The following THOC5 variants were observed in gnomAD, a reference collection of about 807,000 sequenced individuals.
The protein encoded by THOC5 is THO complex subunit 5.
Under a neutral mutation model 92.9 loss-of-function variants are expected in THOC5, and 43 were observed. The observed-to-expected ratio is 0.46, with a 90% CI of 0.36 to 0.60. The LOEUF is 0.60. Among genes scored for constraint, THOC5 ranks in the 20% least tolerant of loss-of-function variants. The pLI, the probability that THOC5 is intolerant of heterozygous loss-of-function variation, is 0.00. For missense variants in THOC5, 659 were observed against 849.4 expected (o/e 0.78, Z 2.79); for synonymous variants, 296 against 320.1 (o/e 0.92, Z 0.80).
intron 2 of THOC5, among the ~76,000 whole-genome samples, chr22:29,546,137 A>G (rs1238209039): frequency 1.3e-5 from 2 of 152,192 alleles, no homozygotes; most frequent in African/African-American, 4.8e-5. Context: ...CAAGCTCTAG[A>G]TTGGCCCCTT....
chr22:29,544,516 G>A lies in THOC5; in HGVS notation c.184C>T (p.Leu62=). The A allele has an allele frequency of 6.2e-7, 1 of 1,614,092 alleles. No individual in the cohort carries two copies. Residue 62 remains leucine, a synonymous_variant, in exon 3 of 20, where the codon CTA becomes TTA. Transcript: ENST00000490103. ...YELYKYTCQE[L]QRLMAEIQDL... is the part of the protein sequence containing the mutation. ...TGGATCTCAGCCATCAGCCTCTGTAGCTCCTGGCAGGTGTACTTGTATAAC... is the reference window on the plus strand; with the variant it reads ...TGGATCTCAGCCATCAGCCTCTGTAACTCCTGGCAGGTGTACTTGTATAAC...
intron 6 of THOC5, among the ~76,000 whole-genome samples, chr22:29,537,848 A>G (rs112883011): frequency 0.2 from 30,134 of 152,110 alleles, 3,283 homozygotes; most frequent in East Asian, 0.43. Context: ...CCGAGATCAC[A>G]CCATTGCATT....
rs140384513 is a variant in THOC5 at position 29,522,799 on chromosome 22, G to A, written c.1176-1700C>T. Among the ~76,000 whole-genome samples the A allele has an allele frequency of 4.0e-3, 603 of 151,838 alleles. 6 individuals are homozygous for A. Among genetic ancestry groups the A allele is most frequent in the Middle Eastern group, 0.024 (7 of 294 alleles). On this transcript the variant is annotated intron_variant, in intron 12 of 19. Transcript: ENST00000490103. ...GGGCAGATCATGAGGTCAAGAGATC[G>A]AGACCATCCTGGCCGAAATGGTGAA...
chr22:29,507,393 T>C lies in THOC5; in HGVS notation c.*1064A>G, dbSNP rs975236068. 3 of 152,336 alleles carry C rather than the reference T, an allele frequency of 2.0e-5. No individual in the cohort carries two copies. The highest frequency in any genetic ancestry group is 2.1e-4 in the South Asian group (1 of 4,816). The allele number at this position is 152,336 out of a possible 1,614,324, so 9.4% of individuals were successfully genotyped here. On this transcript the variant is annotated 3_prime_UTR_variant, in exon 20 of 20. Transcript: ENST00000490103. ...ATTTATTTATTTTTGAGACGGAGTC[T>C]CACTCTCGCCCAAGCCGGAGCGCAG... is the stretch of plus-strand genomic sequence containing the variant.
chr22:29,543,249 G>A (rs921969423), intron 4 of THOC5, among the ~76,000 whole-genome samples, 180 bp downstream of exon 4: 1 of 150,548 alleles, frequency 6.6e-6, no homozygotes, highest in African/African-American at 2.4e-5. Context: ...TTAGGAGGCT[G>A]AGGCAGGAGA....
At chr22:29,544,291 G>A (rs565421053) in intron 3 of THOC5, among the ~76,000 whole-genome samples, 169 bp downstream of exon 3, 1 of 152,286 alleles carries the variant, frequency 6.6e-6, no homozygotes, top group South Asian at 2.1e-4. Flanking sequence ...GTGACTGAAT[G>A]GTGATAAGAA....
chr22:29,523,165 C>T (rs1484030481), intron 12 of THOC5, among the ~76,000 whole-genome samples: 2 of 151,864 alleles, frequency 1.3e-5, no homozygotes, highest in African/African-American at 4.8e-5. Flanking sequence ...TCACTTGAAC[C>T]AGGGAGGTGG....
intron 5 of THOC5, among the ~76,000 whole-genome samples, chr22:29,540,884 T>C (rs2063867004): frequency 6.6e-6 from 1 of 152,198 alleles, no homozygotes; most frequent in East Asian, 1.9e-4. Flanking sequence ...ACTATTGTTA[T>C]GTGACGATTT....
chr22:29,526,270 C>T (rs558060469), intron 11 of THOC5, among the ~76,000 whole-genome samples: 4 of 152,288 alleles, frequency 2.6e-5, no homozygotes, highest in Admixed American at 2.6e-4. Context: ...CGGTGGCTCA[C>T]ACCTGTAATC....
chr22:29,551,686 G>GGCTGCAGTGAGCTATGATCGCGCC (rs2064147488), intron 1 of THOC5, among the ~76,000 whole-genome samples: 1 of 152,090 alleles, frequency 6.6e-6, no homozygotes, highest in Non-Finnish European at 1.5e-5. Flanking sequence ...AGAAGTTCCA[G>GGCTGCAGTGAGCTATGATCGCGCC]GCTGCAGTGA....
intron 8 of THOC5, chr22:29,530,930 C>T (rs1272774219): frequency 6.7e-6 from 4 of 598,568 alleles, no homozygotes; most frequent in Non-Finnish European, 8.8e-6. Flanking sequence ...ATGTGAATCA[C>T]CACCCTTCAC....
intron 9 of THOC5, 147 bp downstream of exon 9, chr22:29,529,015 C>G (rs1296147976): frequency 1.7e-5 from 13 of 771,346 alleles, no homozygotes; most frequent in South Asian, 1.2e-4. Flanking sequence ...GAAGTGAGCT[C>G]TCTTTCCTGT....
intron 9 of THOC5, 100 bp from the exon 10 acceptor site, chr22:29,528,566 T>C (rs1258837494): frequency 1.5e-5 from 18 of 1,166,704 alleles, no homozygotes; most frequent in Middle Eastern, 2.0e-4. Context: ...ACTCTGTCTT[T>C]TGTAAATAAG....
intron 17 of THOC5, 94 bp downstream of exon 17, chr22:29,516,935 A>C (rs985200285): frequency 1.5e-5 from 18 of 1,172,244 alleles, no homozygotes; most frequent in Non-Finnish European, 2.3e-5. Flanking sequence ...TCCTTGCAGG[A>C]CTCCAGGATC....
rs878906892 is a variant in THOC5, at chr22:29,529,099, C to A, written c.925+63G>T. The A allele has an allele frequency of 1.1e-4, 171 of 1,538,152 alleles. 3 individuals are homozygous for A. The South Asian group carries it at 1.8e-3, about 17-fold the overall frequency. On this transcript the variant is annotated intron_variant, in intron 9 of 19. Transcript: ENST00000490103. ...ACTAGTCCAGCTAGTTCTCCAAAGA[C>A]CAGGACTGCCCTTGGATGGTGACCT...
At chr22:29,536,596 G>C (rs1423322409) in intron 7 of THOC5, 28 bp downstream of exon 7, 11 of 1,415,134 alleles carry the variant, frequency 7.8e-6, no homozygotes, top group Non-Finnish European at 1.0e-5. Context: ...CAGTGGTGAA[G>C]GCAAAGCAAA....
At chr22:29,516,734 A>C (rs900341507) in intron 17 of THOC5, among the ~76,000 whole-genome samples, 2 of 152,222 alleles carry the variant, frequency 1.3e-5, no homozygotes, top group Non-Finnish European at 2.9e-5. Context: ...TGAAGGAAGG[A>C]GCAAAGAGCT....
Position 29,549,081 on chromosome 22 carries a change from C to T in THOC5, c.67G>A (p.Gly23Arg). ...VIRSDGAPAE[G>R]KRNRSDTEQE... ...TCGGTGTCAGATCGATTCCGCTTTC[C>T]TTCAGCTGGGGCTCCATCGCTTCGG... The change falls in exon 2 of 20, where the codon GGA becomes AGA. Residue 23 changes from glycine to arginine, a missense_variant. Transcript: ENST00000490103. 3 of 1,614,178 alleles carry T rather than the reference C, an allele frequency of 1.9e-6. No homozygotes were observed. The highest frequency in any genetic ancestry group is 2.5e-6 in the Non-Finnish European group (3 of 1,180,032).
intron 5 of THOC5, among the ~76,000 whole-genome samples, chr22:29,541,966 T>C (rs1440735327): frequency 7.1e-6 from 1 of 140,904 alleles, no homozygotes; most frequent in Non-Finnish European, 1.5e-5. Flanking sequence ...ATGTCAAGTT[T>C]GTTACAGATA....
Sources: gnomAD v4.1 joint callset for allele counts (sites outside exome capture counted in the v4.1 genomes callset) on GRCh38, gnomAD v4.1.1 for gene constraint, MANE v1.5 for transcripts, NCBI Gene and HGNC (gene_info 2026-07-23, HGNC 2026-07-21) for gene names.